HDLBP: variants seen among roughly 807,000 people sequenced by gnomAD.
HDLBP encodes high density lipoprotein binding protein.
Under a neutral mutation model 137.3 loss-of-function variants are expected in HDLBP, and 30 were observed. That is an observed-to-expected ratio of 0.22 (90% CI 0.16 to 0.30). The LOEUF is 0.30. Among genes scored for constraint, HDLBP ranks in the 10% least tolerant of loss-of-function variants. The pLI, the probability that HDLBP is intolerant of heterozygous loss-of-function variation, is 1.00. For missense variants in HDLBP, 1,119 were observed against 1,667.3 expected (o/e 0.67, Z 5.73); for synonymous variants, 606 against 596.0 (o/e 1.02, Z -0.24).
At chr2:241,313,437 G>A (rs2075819544) in intron 1 of HDLBP, among the ~76,000 whole-genome samples, 1 of 152,048 alleles carries the variant, frequency 6.6e-6, no homozygotes, top group Non-Finnish European at 1.5e-5. Context: ...GCGCCACCAT[G>A]CCAGGCTAAT....
chr2:241,315,118 G>A (rs993643042), intron 1 of HDLBP: 3 of 151,428 alleles, frequency 2.0e-5, no homozygotes, highest in South Asian at 4.1e-4. Flanking sequence ...CCCCACACCA[G>A]AAGGAGAAAG....
chr2:241,299,599 G>C (rs558533536), intron 1 of HDLBP, among the ~76,000 whole-genome samples: 1 of 148,290 alleles, frequency 6.7e-6, no homozygotes, highest in Admixed American at 6.8e-5. Flanking sequence ...AGATAACACT[G>C]ACCATTCCAG....
chr2:241,238,136 G>A lies in HDLBP; in HGVS notation c.2749+513C>T, dbSNP rs542428668. Among the ~76,000 whole-genome samples the A allele has an allele frequency of 5.9e-5, 9 of 152,218 alleles. No individual in the cohort carries two copies. Among genetic ancestry groups the A allele is most frequent in the Non-Finnish European group, 1.0e-4 (7 of 68,046 alleles). On this transcript the variant is annotated intron_variant, in intron 20 of 27. Coordinates refer to ENST00000310931, the MANE Select transcript of HDLBP (RefSeq NM_005336.6). The surrounding 1 kb of genome is among the most constrained non-coding windows in gnomAD (Gnocchi z 4.9). ...GCAACCGACCCGCATCCCACAGGTC[G>A]CCTCCCCACCACCAGGTGCATGAGC...
chr2:241,253,624 G>C, intron 9 of HDLBP, 127 bp from the exon 10 acceptor site: 1 of 675,352 alleles, frequency 1.5e-6, no homozygotes. Context: ...GTGAGGGAGG[G>C]AGGGACATAT....
chr2:241,303,700 A>G (rs1486008183), intron 1 of HDLBP, among the ~76,000 whole-genome samples: 1 of 152,276 alleles, frequency 6.6e-6, no homozygotes, highest in African/African-American at 2.4e-5. Context: ...CCTGGCCTTC[A>G]GACTGGATTA....
intron 1 of HDLBP, among the ~76,000 whole-genome samples, chr2:241,307,936 C>A (rs913299471): frequency 2.6e-5 from 4 of 151,796 alleles, no homozygotes; most frequent in African/African-American, 9.7e-5. Context: ...TCACTTGGGC[C>A]TCTACCCCCA....
At chr2:241,292,515 C>A (rs2075042691) in intron 1 of HDLBP, among the ~76,000 whole-genome samples, 2 of 152,096 alleles carry the variant, frequency 1.3e-5, no homozygotes, top group South Asian at 2.1e-4. Flanking sequence ...TGGAGAAAAC[C>A]AAACACAGAA....
intron 1 of HDLBP, among the ~76,000 whole-genome samples, chr2:241,312,929 T>C (rs2075796646): frequency 6.6e-6 from 1 of 152,202 alleles, no homozygotes; most frequent in Non-Finnish European, 1.5e-5. Flanking sequence ...AGTCCTTCAG[T>C]ACACAGTCTG....
In HDLBP at chr2:241,274,012, C is replaced by A. The variant is rs533807978; in HGVS notation, c.-102-5471G>T. ...TTTGGTATATATTCAGAAAGAAGCA[C>A]CAAGAAGTTCCTTATTGACCAGAAG... On this transcript the variant is annotated intron_variant, in intron 1 of 27. Coordinates refer to ENST00000310931, the MANE Select transcript of HDLBP (RefSeq NM_005336.6). Among the ~76,000 whole-genome samples, 5 of 152,186 alleles carry A rather than the reference C, an allele frequency of 3.3e-5. No individual in the cohort carries two copies. In the South Asian group the frequency reaches 1.0e-3, roughly 32 times the overall value.
chr2:241,296,740 C>T (rs1352653142), intron 1 of HDLBP, among the ~76,000 whole-genome samples: 3 of 152,172 alleles, frequency 2.0e-5, no homozygotes, highest in Admixed American at 2.0e-4. Flanking sequence ...GGAAAAAAGA[C>T]TACTCAACCA....
rs1012107939 is a variant in HDLBP at position 241,234,085 on chromosome 2, G to A, written c.3145-122C>T. ...TGCAGTGTTCTGTAACCCGTGGTCC[G>A]GAATGGTCCGCCATCTCTCTGGTCC... On this transcript the variant is annotated intron_variant, in intron 23 of 27. Transcript: ENST00000310931. The A allele has an allele frequency of 8.4e-5, 94 of 1,114,948 alleles. 1 individual carries two copies. The highest frequency in any genetic ancestry group is 2.9e-4 in the Admixed American group (14 of 48,390). The allele number at this position is 1,114,948 out of a possible 1,614,324, so 69.1% of individuals were successfully genotyped here.
chr2:241,272,294 C>T lies in HDLBP; in HGVS notation c.-102-3753G>A, dbSNP rs1484457930. 1 of 981,254 alleles carries T rather than the reference C, an allele frequency of 1.0e-6. No individual in the cohort carries two copies. Among genetic ancestry groups the T allele is most frequent in the African/African-American group, 1.8e-5 (1 of 57,066 alleles). The allele number at this position is 981,254 out of a possible 1,614,324, so 60.8% of individuals were successfully genotyped here. A position where few individuals can be genotyped will look rare whatever the true frequency, so the allele number is the denominator to read the frequency against. ...CCGCTGGCCTCCCAGGGACCCCCAC[C>T]CTGGCCGCACACGGCGCCCCCGCCG... is the stretch of plus-strand genomic sequence containing the variant. On this transcript the variant is annotated intron_variant, in intron 1 of 27. Transcript: ENST00000310931. The surrounding 1 kb of genome is among the most constrained non-coding windows in gnomAD (Gnocchi z 5.6).
At chr2:241,297,839 G>C (rs931798950) in intron 1 of HDLBP, among the ~76,000 whole-genome samples, 4 of 151,756 alleles carry the variant, frequency 2.6e-5, no homozygotes, top group Non-Finnish European at 5.9e-5. Context: ...GATCACCTGA[G>C]GTCAGGAGTT....
At chr2:241,249,581 G>A (rs1559500911) in intron 12 of HDLBP, among the ~76,000 whole-genome samples, 2 of 152,228 alleles carry the variant, frequency 1.3e-5, no homozygotes, top group South Asian at 4.1e-4. Flanking sequence ...GGGCACCCAG[G>A]GTGTGGCCAA....
At position 241,229,397 on chromosome 2, in the gene HDLBP, T is replaced by C. The variant is rs2069446182; in HGVS notation, c.*204A>G. On this transcript the variant is annotated 3_prime_UTR_variant, in exon 28 of 28. Coordinates refer to ENST00000310931, the MANE Select transcript of HDLBP (RefSeq NM_005336.6). Reference sequence around the variant, plus strand: ...ATGACCTTGGTTTAGTGTTAAACAGTGGAGCAGGTCCTGAGCGGGCACGGC... The same window carrying C: ...ATGACCTTGGTTTAGTGTTAAACAGCGGAGCAGGTCCTGAGCGGGCACGGC... 1 of 525,942 alleles carries C rather than the reference T, an allele frequency of 1.9e-6. No homozygotes were observed. Among genetic ancestry groups the C allele is most frequent in the African/African-American group, 1.9e-5 (1 of 52,000 alleles). 32.6% of individuals were successfully genotyped at this position (525,942 alleles called of 1,614,324 possible).
chr2:241,231,749 T>G (rs2069787161), intron 24 of HDLBP, among the ~76,000 whole-genome samples: 1 of 151,988 alleles, frequency 6.6e-6, no homozygotes, highest in Non-Finnish European at 1.5e-5. Context: ...CATACCAGAC[T>G]TGGGATAGCA....
intron 1 of HDLBP, among the ~76,000 whole-genome samples, chr2:241,306,619 G>A (rs1454153131): frequency 1.3e-5 from 2 of 152,102 alleles, no homozygotes; most frequent in African/African-American, 4.8e-5. Context: ...AGTACCCCAA[G>A]TCAGGCTGGG....
chr2:241,299,022 G>C (rs1012771879), intron 1 of HDLBP, among the ~76,000 whole-genome samples: 1 of 152,290 alleles, frequency 6.6e-6, no homozygotes, highest in African/African-American at 2.4e-5. Context: ...TCCTGACTTT[G>C]ATGGCTGTAT....
intron 10 of HDLBP, 167 bp downstream of exon 10, chr2:241,253,226 G>A: frequency 1.5e-6 from 1 of 676,090 alleles, no homozygotes; most frequent in Non-Finnish European, 2.7e-6. Flanking sequence ...GATTATTCCA[G>A]GACTTCGACC....
Sources: allele counts gnomAD v4.1 joint callset (sites outside exome capture counted in the v4.1 genomes callset), GRCh38; gene constraint gnomAD v4.1.1; non-coding constraint Gnocchi (gnomAD v3.1); transcripts MANE v1.5; gene names NCBI Gene and HGNC (gene_info 2026-07-23, HGNC 2026-07-21).